The following LPP variants were observed in gnomAD, a reference collection of about 807,000 sequenced individuals.
LPP encodes LIM domain containing preferred translocation partner in lipoma.
LPP carries 38 observed loss-of-function variants against 60.4 expected under a neutral mutation model. That is an observed-to-expected ratio of 0.63 (90% CI 0.49 to 0.83). The LOEUF (loss-of-function observed/expected upper bound fraction) is 0.83. LPP is among the 40% of genes least tolerant of loss of function. The pLI is 0.00. For synonymous variants in LPP, 328 were observed against 290.8 expected, an observed-to-expected ratio of 1.13 and a Z score of -1.30; for missense variants, 902 against 783.6, an observed-to-expected ratio of 1.15 and a Z score of -1.80.
intron 9 of LPP, among the ~76,000 whole-genome samples, chr3:188,808,704 T>C (rs548407450): frequency 8.5e-5 from 13 of 152,326 alleles, no homozygotes; most frequent in Non-Finnish European, 1.8e-4. Flanking sequence ...CCAGGATACA[T>C]GTGCAGAACA....
At chr3:188,232,369 T>A (rs7641501) in intron 2 of LPP, among the ~76,000 whole-genome samples, 1 of 151,488 alleles carries the variant, frequency 6.6e-6, no homozygotes, top group African/African-American at 2.4e-5. Context: ...TTTTTTGAGA[T>A]GGAGTCTCAC....
At chr3:188,867,449 T>C (rs1401571438) in intron 10 of LPP, among the ~76,000 whole-genome samples, 2 of 151,964 alleles carry the variant, frequency 1.3e-5, no homozygotes, top group African/African-American at 4.8e-5. Flanking sequence ...ACTCAAGCAA[T>C]TCTCCTACTT....
chr3:188,375,472 T>C (rs2151126724), intron 3 of LPP, among the ~76,000 whole-genome samples: 1 of 152,384 alleles, frequency 6.6e-6, no homozygotes, highest in East Asian at 1.9e-4. Context: ...CCATTTATTC[T>C]AGATTTTCTA....
chr3:188,248,191 G>A (rs73059661), intron 2 of LPP, among the ~76,000 whole-genome samples: 3,004 of 152,008 alleles, frequency 0.02, 92 homozygotes, highest in East Asian at 0.063. Context: ...CCCAAACAAC[G>A]TGAATGTAAT....
intron 7 of LPP, among the ~76,000 whole-genome samples, chr3:188,619,678 C>A (rs1471138825): frequency 6.6e-6 from 1 of 152,182 alleles, no homozygotes; most frequent in Non-Finnish European, 1.5e-5. Context: ...TTCTGTATAT[C>A]ATTTTACAGA....
intron 7 of LPP, among the ~76,000 whole-genome samples, chr3:188,669,383 T>C (rs959673813): frequency 3.9e-5 from 6 of 152,110 alleles, no homozygotes; most frequent in African/African-American, 1.4e-4. Context: ...GAGACCATCC[T>C]GACTAACATG....
At chr3:188,360,197 C>A (rs1768856590) in intron 3 of LPP, among the ~76,000 whole-genome samples, 2 of 152,176 alleles carry the variant, frequency 1.3e-5, no homozygotes, top group Admixed American at 1.3e-4. Context: ...TCAAACCCGG[C>A]CTGCATCGGA....
intron 2 of LPP, among the ~76,000 whole-genome samples, chr3:188,273,540 T>C (rs767012120): frequency 2.0e-5 from 3 of 151,976 alleles, no homozygotes; most frequent in African/African-American, 4.8e-5. Flanking sequence ...TCTGATACTT[T>C]TGTACTTTTG....
chr3:188,586,910 G>A (rs571717940), intron 6 of LPP, among the ~76,000 whole-genome samples: 1 of 151,776 alleles, frequency 6.6e-6, no homozygotes, highest in Non-Finnish European at 1.5e-5. Context: ...GTATTTTTTA[G>A]TAGAGACGGG....
chr3:188,429,919 C>T (rs1790469089), intron 4 of LPP, among the ~76,000 whole-genome samples: 1 of 152,142 alleles, frequency 6.6e-6, no homozygotes, highest in Non-Finnish European at 1.5e-5. Context: ...CCATGTCAGG[C>T]TTCCTTATAG....
At chr3:188,180,217 C>T (rs344953) in intron 1 of LPP, 8,623 of 154,532 alleles carry the variant, frequency 0.056, 324 homozygotes, top group African/African-American at 0.12. Flanking sequence ...GGCTTCTTGC[C>T]TTCTCACTCA....
At chr3:188,674,912 G>A (rs941153433) in intron 7 of LPP, among the ~76,000 whole-genome samples, 1 of 152,312 alleles carries the variant, frequency 6.6e-6, no homozygotes, top group East Asian at 1.9e-4. Flanking sequence ...CACAGGACAT[G>A]CATGCTGCTT....
At chr3:188,497,604 A>G (rs1165193754) in intron 5 of LPP, among the ~76,000 whole-genome samples, 1 of 152,230 alleles carries the variant, frequency 6.6e-6, no homozygotes, top group African/African-American at 2.4e-5. Context: ...CTTCAGAGTG[A>G]AAGTTCAGTG....
intron 4 of LPP, 112 bp downstream of exon 4, chr3:188,406,425 GGGTGTC>G: frequency 1.0e-6 from 1 of 964,468 alleles, no homozygotes; most frequent in Non-Finnish European, 1.5e-6. Flanking sequence ...TTCACAGCGT[GGGTGTC>G]ATAGGCTACT....
intron 4 of LPP, among the ~76,000 whole-genome samples, chr3:188,456,191 C>T (rs1160087769): frequency 6.6e-6 from 1 of 152,134 alleles, no homozygotes; most frequent in Non-Finnish European, 1.5e-5. Context: ...CCTCATTTGG[C>T]GTTTATTGAC....
At chr3:188,779,649 A>T (rs951555801) in intron 9 of LPP, among the ~76,000 whole-genome samples, 1 of 151,394 alleles carries the variant, frequency 6.6e-6, no homozygotes, top group Admixed American at 6.6e-5. Flanking sequence ...AATGGATGCC[A>T]TTTTTTTTAA....
At chr3:188,334,356 TG>T (rs1014667984) in intron 2 of LPP, among the ~76,000 whole-genome samples, 12 of 145,018 alleles carry the variant, frequency 8.3e-5, no homozygotes, top group South Asian at 2.2e-4. Context: ...TTATTGAAAA[TG>T]TTTTTTTTTT....
At chr3:188,300,287 T>G (rs1407424350) in intron 2 of LPP, among the ~76,000 whole-genome samples, 1 of 152,170 alleles carries the variant, frequency 6.6e-6, no homozygotes. Flanking sequence ...ATTGTAAACA[T>G]TCCCAAAATG....
intron 2 of LPP, among the ~76,000 whole-genome samples, chr3:188,244,712 AC>A (rs1358164869): frequency 1.3e-5 from 2 of 151,396 alleles, no homozygotes; most frequent in African/African-American, 4.9e-5. Flanking sequence ...CTGATAATCT[AC>A]CCCTCTCTCT....
Sources: gnomAD v4.1 joint callset for allele counts (sites outside exome capture counted in the v4.1 genomes callset) on GRCh38, gnomAD v4.1.1 for gene constraint, MANE v1.5 for transcripts, NCBI Gene and HGNC (gene_info 2026-07-23, HGNC 2026-07-21) for gene names.